SAMD8: variants seen among roughly 807,000 people sequenced by gnomAD.
SAMD8 encodes sphingomyelin synthase-related protein 1.
In SAMD8, 20 loss-of-function variants were observed where a neutral mutation model predicts 42.0. The ratio of observed to expected loss-of-function variants is 0.48; its 90% CI spans 0.34 to 0.69. The LOEUF is 0.69. Among genes scored for constraint, SAMD8 ranks in the 30% least tolerant of loss-of-function variants. The pLI, the probability that SAMD8 is intolerant of heterozygous loss-of-function variation, is 0.01. For missense variants in SAMD8, 328 were observed against 511.6 expected, an observed-to-expected ratio of 0.64 and a Z score of 3.46; for synonymous variants, 162 against 173.0, an observed-to-expected ratio of 0.94 and a Z score of 0.50.
At chr10:75,145,879 T>C (rs1448841697) in intron 1 of SAMD8, among the ~76,000 whole-genome samples, 2 of 152,240 alleles carry the variant, frequency 1.3e-5, no homozygotes, top group Non-Finnish European at 2.9e-5. Context: ...TGAGACCTTT[T>C]TTCAATCTGG....
intron 2 of SAMD8, among the ~76,000 whole-genome samples, chr10:75,151,981 G>A (rs966085027): frequency 6.6e-6 from 1 of 151,672 alleles, no homozygotes; most frequent in Non-Finnish European, 1.5e-5. Flanking sequence ...GAGCCACCGC[G>A]CTTGGCCAGG....
intron 1 of SAMD8, among the ~76,000 whole-genome samples, chr10:75,148,489 G>T (rs1238404632): frequency 2.0e-5 from 3 of 151,920 alleles, no homozygotes; most frequent in African/African-American, 7.3e-5. Context: ...AAGTAGCTGG[G>T]ACTACAGGCG....
intron 4 of SAMD8, among the ~76,000 whole-genome samples, chr10:75,170,963 G>T (rs1266779689): frequency 6.6e-6 from 1 of 151,020 alleles, no homozygotes; most frequent in Non-Finnish European, 1.5e-5. Context: ...GTTTCTCCAT[G>T]TTGGCCAGGC....
At chr10:75,102,110 T>C (rs1412856176) in intron 1 of SAMD8, 3 of 454,234 alleles carry the variant, frequency 6.6e-6, no homozygotes, top group African/African-American at 6.1e-5. Flanking sequence ...CAGGCCTCTG[T>C]CCCAGCACTG....
chr10:75,109,290 G>A (rs1027768531), upstream of SAMD8: 86 of 1,073,170 alleles, frequency 8.0e-5, no homozygotes, highest in African/African-American at 1.3e-3. Context: ...GGCCTCTGGA[G>A]TGGACAAGAC....
upstream of SAMD8, chr10:75,108,963 C>T (rs779986391): frequency 1.9e-5 from 30 of 1,551,124 alleles, no homozygotes; most frequent in Middle Eastern, 3.5e-4. Flanking sequence ...CAAGAACTGC[C>T]TCTCCACGTC....
At chr10:75,120,822 C>A (rs1848989002) in intron 1 of SAMD8, among the ~76,000 whole-genome samples, 1 of 128,278 alleles carries the variant, frequency 7.8e-6, no homozygotes, top group South Asian at 2.5e-4. Context: ...ACTCTGTTGC[C>A]TGGGCTGGAG....
rs367706162 is a variant in SAMD8, at chr10:75,137,384, AC to A, written c.-15-13129del. 1.3e-3 allele frequency among the ~76,000 whole-genome samples: 198 copies of A among 152,216 alleles called. 3 individuals are homozygous for A. The East Asian group carries it at 0.023, about 18-fold the overall frequency. ...GTGAAACCCCACCTCTACTAAAAAT[AC>A]AAAAATTAGCTGGGTGTGGTGGCAG... On this transcript the variant is annotated intron_variant, in intron 1 of 5. Coordinates refer to ENST00000542569, the MANE Select transcript of SAMD8 (RefSeq NM_001174156.2).
intron 1 of SAMD8, among the ~76,000 whole-genome samples, chr10:75,142,819 G>C (rs1840050769): frequency 2.0e-5 from 3 of 151,680 alleles, no homozygotes; most frequent in Admixed American, 6.6e-5. Context: ...CCTGAGGTCA[G>C]GAGTCTTGAA....
chr10:75,144,290 A>G (rs1840087726), intron 1 of SAMD8, among the ~76,000 whole-genome samples: 1 of 152,002 alleles, frequency 6.6e-6, no homozygotes, highest in Admixed American at 6.6e-5. Flanking sequence ...TATATAGTTC[A>G]GTGGCATTAA....
chr10:75,164,861 G>GT lies in SAMD8; in HGVS notation c.674+123dup, dbSNP rs1840638670. On this transcript the variant is annotated intron_variant, in intron 3 of 5. Transcript: ENST00000542569. Reference sequence around the variant, plus strand: ...TTCCTTCTCTGGTCATTGTGACATAGTTATTAACAAAGGATTTTGAGTTTG... The same window carrying GT: ...TTCCTTCTCTGGTCATTGTGACATAGTTTATTAACAAAGGATTTTGAGTTTG... 1.3e-5 allele frequency: 9 copies of GT among 719,654 alleles called. No homozygotes were observed. In the East Asian group the frequency reaches 2.3e-4, roughly 18 times the overall value. The allele number at this position is 719,654 out of a possible 1,614,324, so 44.6% of individuals were successfully genotyped here. A position where few individuals can be genotyped will look rare whatever the true frequency, so the allele number is the denominator to read the frequency against.
At chr10:75,159,212 C>G (rs1840500531) in intron 2 of SAMD8, among the ~76,000 whole-genome samples, 2 of 151,952 alleles carry the variant, frequency 1.3e-5, no homozygotes, top group Non-Finnish European at 2.9e-5. Context: ...TGCACACCAC[C>G]ACACCCAGCT....
rs1213835624 is a variant in SAMD8 at position 75,180,264 on chromosome 10, C to T, written c.*3572C>T. 6.6e-6 allele frequency: 1 copy of T among 152,190 alleles called. No homozygotes were observed. The highest frequency in any genetic ancestry group is 2.4e-5 in the African/African-American group (1 of 41,440). The allele number at this position is 152,190 out of a possible 1,614,324, so 9.4% of individuals were successfully genotyped here. A position where few individuals can be genotyped will look rare whatever the true frequency, so the allele number is the denominator to read the frequency against. Reference sequence around the variant, plus strand: ...TTATTTGTATCCTTTGAAATCAGAACTTATCCTTAGAACCAGTCAGTTAAA... The same window carrying T: ...TTATTTGTATCCTTTGAAATCAGAATTTATCCTTAGAACCAGTCAGTTAAA... On this transcript the variant is annotated 3_prime_UTR_variant, in exon 6 of 6. Transcript: ENST00000542569.
At chr10:75,108,007 G>A (rs910924752), upstream of SAMD8, 5 of 1,612,664 alleles carry the variant, frequency 3.1e-6, no homozygotes, top group African/African-American at 5.3e-5. Context: ...GGCGTGTTGA[G>A]GGCACGGTGG....
At position 75,156,232 on chromosome 10, in the gene SAMD8, A is replaced by C. The variant is rs374343170; in HGVS notation, c.578+5126A>C. On this transcript the variant is annotated intron_variant, in intron 2 of 5. Coordinates refer to ENST00000542569, the MANE Select transcript of SAMD8 (RefSeq NM_001174156.2). ...GTTTGTCTCAGTAAGTAAGTAAGTA[A>C]ACAAATAAATACATACCATTCCTCA... Among the ~76,000 whole-genome samples the C allele has an allele frequency of 6.2e-4, 93 of 150,802 alleles. No homozygotes were observed. The South Asian group carries it at 0.019, about 30-fold the overall frequency.
intron 3 of SAMD8, among the ~76,000 whole-genome samples, chr10:75,165,711 C>T (rs896644816): frequency 6.6e-6 from 1 of 151,164 alleles, no homozygotes; most frequent in Non-Finnish European, 1.5e-5. Context: ...CACAGTGGCA[C>T]ATGCCTGTAA....
intron 4 of SAMD8, among the ~76,000 whole-genome samples, chr10:75,175,030 T>C (rs376482850): frequency 3.3e-5 from 5 of 152,228 alleles, no homozygotes; most frequent in African/African-American, 9.6e-5. Context: ...ACTTGGCTTG[T>C]ATCCTCAAGG....
chr10:75,176,859 T>C lies in SAMD8; in HGVS notation c.*167T>C. 1 of 587,758 alleles carries C rather than the reference T, an allele frequency of 1.7e-6. No individual in the cohort carries two copies. 36.4% of individuals were successfully genotyped at this position (587,758 alleles called of 1,614,324 possible). ...GATTATAAAAAGCAAGAAAGAACAA[T>C]CAAGAGTCCTTATGTAGCTATTTGA... On this transcript the variant is annotated 3_prime_UTR_variant, in exon 6 of 6. Transcript: ENST00000542569. This position sits in a 1 kb window ranked among gnomAD's most constrained non-coding sequence, Gnocchi z 4.3.
chr10:75,151,453 A>G (rs1469522738), intron 2 of SAMD8, among the ~76,000 whole-genome samples: 3 of 151,670 alleles, frequency 2.0e-5, no homozygotes, highest in Non-Finnish European at 1.5e-5. Context: ...TCCCGGGCTC[A>G]AGCAATCCTC....
Sources: gnomAD v4.1 joint callset for allele counts (sites outside exome capture counted in the v4.1 genomes callset) on GRCh38, gnomAD v4.1.1 for gene constraint, Gnocchi (gnomAD v3.1) non-coding constraint, MANE v1.5 for transcripts, NCBI Gene and HGNC (gene_info 2026-07-23, HGNC 2026-07-21) for gene names.